Variants in DSG2 observed in about 807,000 individuals in gnomAD.
DSG2 encodes desmoglein 2, also known as desmoglein-2.
Under a neutral mutation model 75.6 loss-of-function variants are expected in DSG2, and 45 were observed. The observed-to-expected ratio is 0.60, with a 90% CI of 0.47 to 0.76. The LOEUF is 0.76. Ranked by LOEUF, DSG2 falls within the 30% of genes least tolerant of loss-of-function variation. The probability of loss-of-function intolerance (pLI) is 0.00; values close to 1 mark genes in which losing one functional copy is unlikely to be tolerated. For missense variants in DSG2, 1,267 were observed against 1,357.4 expected, an observed-to-expected ratio of 0.93 and a Z score of 1.05; for synonymous variants, 429 against 483.9, an observed-to-expected ratio of 0.89 and a Z score of 1.49.
At chr18:31,521,337 G>T in intron 5 of DSG2, 94 bp downstream of exon 5, 1 of 1,272,804 alleles carries the variant, frequency 7.9e-7, no homozygotes, top group Non-Finnish European at 1.1e-6. Context: ...CTTAATGAAA[G>T]TTGAGTATTA....
chr18:31,540,067 C>T (rs1230423577), intron 12 of DSG2, among the ~76,000 whole-genome samples: 1 of 151,972 alleles, frequency 6.6e-6, no homozygotes, highest in Admixed American at 6.6e-5. Flanking sequence ...CCCACTGATT[C>T]TACATTATGG....
intron 6 of DSG2, among the ~76,000 whole-genome samples, chr18:31,523,710 C>T (rs182018042): frequency 6.6e-6 from 1 of 152,302 alleles, no homozygotes; most frequent in Admixed American, 6.5e-5. Context: ...CACATAGAAA[C>T]CCTGTGAGGC....
intron 1 of DSG2, among the ~76,000 whole-genome samples, chr18:31,506,804 T>C (rs562704251): frequency 1.5e-3 from 230 of 152,358 alleles, no homozygotes; most frequent in African/African-American, 5.0e-3. Flanking sequence ...TAAAATATTT[T>C]TTACATGTCT....
intron 12 of DSG2, 44 bp downstream of exon 12, chr18:31,539,022 G>T: frequency 1.9e-6 from 3 of 1,554,588 alleles, no homozygotes; most frequent in Non-Finnish European, 2.7e-6. Context: ...GGGAATCTGA[G>T]TGCACTCCTG....
intron 14 of DSG2, 79 bp downstream of exon 14, chr18:31,542,931 A>G: frequency 9.7e-7 from 1 of 1,029,178 alleles, no homozygotes; most frequent in East Asian, 3.8e-5. Context: ...TAGGGTAATC[A>G]TTGCCTTGGA....
chr18:31,521,694 C>T (rs899404752), intron 5 of DSG2, among the ~76,000 whole-genome samples: 4 of 152,084 alleles, frequency 2.6e-5, no homozygotes, highest in South Asian at 2.1e-4. Flanking sequence ...CATGAGGACC[C>T]GAATGAGAGA....
At chr18:31,535,450 A>C in intron 10 of DSG2, 38 bp downstream of exon 10, 1 of 1,512,768 alleles carries the variant, frequency 6.6e-7, no homozygotes. Context: ...GATTATATGT[A>C]TTTAGATTTT....
intron 1 of DSG2, among the ~76,000 whole-genome samples, chr18:31,513,796 A>C (rs1399782473): frequency 1.3e-5 from 2 of 152,228 alleles, no homozygotes; most frequent in African/African-American, 4.8e-5. Context: ...AACTGCAATC[A>C]GTACCTTAGC....
At chr18:31,498,970 A>G (rs1290701422) in intron 1 of DSG2, among the ~76,000 whole-genome samples, 1 of 152,180 alleles carries the variant, frequency 6.6e-6, no homozygotes, top group Non-Finnish European at 1.5e-5. Context: ...AAAAGGTTAC[A>G]GAAAATGGAA....
chr18:31,531,299 G>A (rs752661798), intron 9 of DSG2, 47 bp downstream of exon 9: 13 of 1,602,588 alleles, frequency 8.1e-6, no homozygotes, highest in Admixed American at 6.7e-5. Context: ...ATTATTTTCA[G>A]TGCCTATTTT....
intron 1 of DSG2, among the ~76,000 whole-genome samples, chr18:31,500,036 TAAAAAAAAA>T (rs10625787): frequency 2.3e-4 from 25 of 110,948 alleles, no homozygotes; most frequent in African/African-American, 5.9e-4. Flanking sequence ...AGTTTTTTGG[TAAAAAAAAA>T]AAAAAAAAAA....
chr18:31,524,735 C>T lies in DSG2; in HGVS notation c.861C>T (p.Asn287=), dbSNP rs2230233. The change falls in exon 8 of 15, where the codon AAC becomes AAT. Residue 287 remains asparagine, a synonymous_variant. Coordinates refer to ENST00000261590, the MANE Select transcript of DSG2 (RefSeq NM_001943.5). The part of the protein sequence containing the change: ...LEGMVEENQV[N]VEVTRIKVFD... ...GGATGGTTGAAGAAAATCAAGTCAA[C>T]GTAGAAGTTACGCGCATAAAAGTGT... 0.4 allele frequency: 642,052 copies of T among 1,613,824 alleles called. 135,503 individuals are homozygous for T. The highest frequency in any genetic ancestry group is 0.79 in the African/African-American group (59,402 of 74,994).
intron 1 of DSG2, among the ~76,000 whole-genome samples, chr18:31,507,238 C>G (rs1239455266): frequency 1.3e-5 from 2 of 152,160 alleles, no homozygotes; most frequent in Non-Finnish European, 2.9e-5. Context: ...TCATCCATGT[C>G]CCTGCAAAGG....
chr18:31,540,169 A>G (rs2073257107), intron 12 of DSG2, among the ~76,000 whole-genome samples: 1 of 152,108 alleles, frequency 6.6e-6, no homozygotes, highest in Non-Finnish European at 1.5e-5. Flanking sequence ...TCATCCCAAA[A>G]CCAACCCCCC....
intron 8 of DSG2, among the ~76,000 whole-genome samples, chr18:31,530,682 G>T (rs1169646346): frequency 6.6e-6 from 1 of 152,128 alleles, no homozygotes; most frequent in African/African-American, 2.4e-5. Context: ...GCTTCCCAAA[G>T]TGCTGGGATT....
chr18:31,521,582 G>A (rs1463760677), intron 5 of DSG2, among the ~76,000 whole-genome samples: 1 of 152,134 alleles, frequency 6.6e-6, no homozygotes, highest in Non-Finnish European at 1.5e-5. Context: ...CAGGTGGCTG[G>A]TTAGCTTTGG....
rs113856921 is a variant in DSG2 at position 31,516,989 on chromosome 18, G to A, written c.46-1250G>A. ...TGGATTATTCATTTCAAATAATTGC[G>A]GTTAAAATCCAAATAGCCACAAGTA... is the stretch of plus-strand genomic sequence containing the variant. On this transcript the variant is annotated intron_variant, in intron 1 of 14. Coordinates refer to ENST00000261590, the MANE Select transcript of DSG2 (RefSeq NM_001943.5). Among the ~76,000 whole-genome samples, 243 of 152,224 alleles carry A rather than the reference G, an allele frequency of 1.6e-3. 3 individuals carry two copies. Among genetic ancestry groups the A allele is most frequent in the African/African-American group, 5.4e-3 (225 of 41,534 alleles).
chr18:31,525,889 T>C (rs1465267111), intron 8 of DSG2, among the ~76,000 whole-genome samples: 2 of 152,096 alleles, frequency 1.3e-5, no homozygotes, highest in African/African-American at 4.8e-5. Context: ...TGTAATCCCA[T>C]CCCAGCACTT....
At chr18:31,521,875 A>G (rs1183381867) in intron 5 of DSG2, among the ~76,000 whole-genome samples, 2 of 152,186 alleles carry the variant, frequency 1.3e-5, no homozygotes, top group Non-Finnish European at 2.9e-5. Flanking sequence ...CTCTACCCTC[A>G]GCCTTGCCTT....
Sources: allele counts gnomAD v4.1 joint callset (sites outside exome capture counted in the v4.1 genomes callset), GRCh38; gene constraint gnomAD v4.1.1; transcripts MANE v1.5; gene names NCBI Gene and HGNC (gene_info 2026-07-23, HGNC 2026-07-21).